The following ARHGAP21 variants were observed in gnomAD, a reference collection of about 807,000 sequenced individuals.
ARHGAP21 encodes the protein Rho GTPase activating protein 21, also known as rho GTPase-activating protein 21.
Under a neutral mutation model 164.6 loss-of-function variants are expected in ARHGAP21, and 38 were observed. The ratio of observed to expected loss-of-function variants is 0.23; its 90% CI spans 0.18 to 0.30. The LOEUF (loss-of-function observed/expected upper bound fraction) is 0.30. ARHGAP21 is among the 10% of genes least tolerant of loss of function. The pLI, the probability that ARHGAP21 is intolerant of heterozygous loss-of-function variation, is 1.00. For missense variants in ARHGAP21, 1,822 were observed against 2,370.7 expected (o/e 0.77, Z 4.81); for synonymous variants, 766 against 857.9 (o/e 0.89, Z 1.87).
chr10:24,629,015 A>C (rs1350495657), intron 7 of ARHGAP21: 1 of 15,118 alleles, frequency 6.6e-5, no homozygotes. Flanking sequence ...TTTTTTTTTG[A>C]GATGAAGTTT....
rs533298339 is a variant in ARHGAP21, at chr10:24,597,736, A to G, written c.3198-153T>C. Among the ~76,000 whole-genome samples the G allele has an allele frequency of 1.3e-4, 20 of 152,344 alleles. 1 individual carries two copies. The East Asian group carries it at 3.3e-3, about 25-fold the overall frequency. ...CTTTCAATTTTGTAGTCCTGCCCAGAATAAGAATCATCCTTTCATCCCGAG... is the reference window on the plus strand; with the variant it reads ...CTTTCAATTTTGTAGTCCTGCCCAGGATAAGAATCATCCTTTCATCCCGAG... On this transcript the variant is annotated intron_variant, in intron 15 of 25. Transcript: ENST00000396432.
At chr10:24,701,841 A>G (rs1843698567) in intron 2 of ARHGAP21, among the ~76,000 whole-genome samples, 1 of 152,162 alleles carries the variant, frequency 6.6e-6, no homozygotes, top group South Asian at 2.1e-4. Context: ...CAGGCTGTAT[A>G]CAAGTATCTA....
Position 24,600,839 on chromosome 10 carries a change from G to A in ARHGAP21, c.2939C>T (p.Thr980Met), listed in dbSNP as rs530533376. The change falls in exon 14 of 26, where the codon ACG becomes ATG. Residue 980 changes from threonine to methionine, a missense_variant. Physicochemically the swap from Thr to Met is moderately conservative, Grantham distance 81. This residue lies in a region of ARHGAP21 where 1,090 missense variants were observed against 1,378.9 expected (regional missense o/e 0.79). Coordinates refer to ENST00000396432, the MANE Select transcript of ARHGAP21 (RefSeq NM_020824.4). Reference protein sequence around the residue: ...LYLYKDKREQTTPSEEEQPIS... With the variant: ...LYLYKDKREQMTPSEEEQPIS... ...GGGCTGCTCTTCCTCAGACGGAGTC[G>A]TCTGCTCTCTTTTATCTTTGTACAG... The A allele has an allele frequency of 5.8e-5, 94 of 1,614,148 alleles. 1 individual carries two copies. In the South Asian group the frequency reaches 7.6e-4, roughly 13 times the overall value.
rs200596333 is a variant in ARHGAP21 at position 24,585,292 on chromosome 10, C to T, written c.4997G>A (p.Arg1666Gln). 2.8e-4 allele frequency: 457 copies of T among 1,609,406 alleles called. 1 individual carries two copies. Among genetic ancestry groups the T allele is most frequent in the Non-Finnish European group, 3.4e-4 (403 of 1,179,420 alleles). ...TAATTCACTTCCTTCAGAATTTCTC[C>T]GGCTGCTCTTAGTCACTTCTTGCAG... ...GKLQEVTKSS[R>Q]RNSEGSELSC... Residue 1666 changes from arginine (R) to glutamine (Q), a missense_variant, in exon 26 of 26, where the codon CGG becomes CAG. Around this residue, in one of 5 missense-constraint regions of ARHGAP21, gnomAD observed 117 missense variants for 193.2 expected, o/e 0.61. Coordinates refer to ENST00000396432, the MANE Select transcript of ARHGAP21 (RefSeq NM_020824.4).
intron 25 of ARHGAP21, among the ~76,000 whole-genome samples, chr10:24,587,132 G>A (rs964668637): frequency 6.6e-6 from 1 of 152,134 alleles, no homozygotes; most frequent in Non-Finnish European, 1.5e-5. Context: ...AAAGTTATTT[G>A]CTATGTATAA....
At chr10:24,622,468 AT>A (rs2131213024) in intron 8 of ARHGAP21, among the ~76,000 whole-genome samples, 1 of 81,024 alleles carries the variant, frequency 1.2e-5, no homozygotes, top group Admixed American at 1.4e-4. Context: ...ATATATATAT[AT>A]ATATATATAT....
chr10:24,718,941 C>T (rs920824056), intron 2 of ARHGAP21, among the ~76,000 whole-genome samples: 33 of 152,008 alleles, frequency 2.2e-4, no homozygotes, highest in African/African-American at 7.7e-4. Flanking sequence ...AAAGTTTTCT[C>T]TTCTTTGGCT....
intron 4 of ARHGAP21, among the ~76,000 whole-genome samples, chr10:24,636,463 C>G (rs1284357055): frequency 6.6e-6 from 1 of 152,096 alleles, no homozygotes; most frequent in Non-Finnish European, 1.5e-5. Flanking sequence ...CAGTCCTGAC[C>G]CTTAAAGAAG....
chr10:24,693,735 A>C, intron 2 of ARHGAP21, among the ~76,000 whole-genome samples: 1 of 151,930 alleles, frequency 6.6e-6, no homozygotes, highest in Non-Finnish European at 1.5e-5. Context: ...CTGCCACACA[A>C]ATCTCCTGGC....
chr10:24,694,392 T>C (rs988849038), intron 2 of ARHGAP21, among the ~76,000 whole-genome samples: 1 of 152,246 alleles, frequency 6.6e-6, no homozygotes, highest in African/African-American at 2.4e-5. Flanking sequence ...TCCTTAATGA[T>C]AGTGGCTCCC....
intron 3 of ARHGAP21, among the ~76,000 whole-genome samples, chr10:24,667,481 A>G (rs1840309189): frequency 6.6e-6 from 1 of 152,188 alleles, no homozygotes; most frequent in African/African-American, 2.4e-5. Flanking sequence ...TTGGTCCCAA[A>G]TTGCTACATA....
At chr10:24,592,130 TTAAAAAAA>T (rs937121346) in intron 21 of ARHGAP21, 118 bp from the exon 22 acceptor site, 2 of 930,710 alleles carry the variant, frequency 2.1e-6, no homozygotes, top group African/African-American at 1.7e-5. Context: ...TTGATGTAGA[TTAAAAAAA>T]TAATGCTTTC....
intron 2 of ARHGAP21, among the ~76,000 whole-genome samples, chr10:24,714,053 A>G (rs1210305888): frequency 2.0e-5 from 3 of 152,232 alleles, no homozygotes; most frequent in Non-Finnish European, 4.4e-5. Context: ...AAAATTAGAT[A>G]AAATAGTAGG....
Position 24,585,058 on chromosome 10 carries a change from C to T in ARHGAP21, c.5231G>A (p.Gly1744Glu). The T allele has an allele frequency of 1.9e-6, 3 of 1,613,790 alleles. No individual in the cohort carries two copies. Among genetic ancestry groups the T allele is most frequent in the Non-Finnish European group, 2.5e-6 (3 of 1,179,836 alleles). The change falls in exon 26 of 26, where the codon GGG becomes GAG. Residue 1744 changes from glycine to glutamate, a missense_variant. Gly to Glu is a moderately conservative substitution (Grantham distance 98). Transcript: ENST00000396432. The part of the protein sequence containing the change: ...FDVMKKGKST[G>E]SLLTPTRGES... The stretch of plus-strand genomic sequence containing the variant: ...GCCTCTGGTGGGTGTCAGTAAACTC[C>T]CAGTTGACTTTCCTTTTTTCATAAC...
chr10:24,607,571 T>G lies in ARHGAP21; in HGVS notation c.2612A>C (p.Gln871Pro). 2.5e-6 allele frequency: 4 copies of G among 1,614,180 alleles called. No individual in the cohort carries two copies. The highest frequency in any genetic ancestry group is 3.4e-6 in the Non-Finnish European group (4 of 1,180,028). The change falls in exon 11 of 26, where the codon CAG becomes CCG. Residue 871 changes from glutamine (Q) to proline (P), a missense_variant. Transcript: ENST00000396432. ...TGATCTTTCTGTCTTTGAGTTGGGC[T>G]GAGCATCCAGGCTAGGAGGGCCAAC... is the stretch of plus-strand genomic sequence containing the variant. The part of the protein sequence containing the change: ...ESVGPPSLDA[Q>P]PNSKTERSKS...
chr10:24,716,579 C>T (rs1845408235), intron 2 of ARHGAP21, among the ~76,000 whole-genome samples: 1 of 152,170 alleles, frequency 6.6e-6, no homozygotes, highest in African/African-American at 2.4e-5. Context: ...GGGGGAAGGA[C>T]CAATTATACA....
intron 4 of ARHGAP21, among the ~76,000 whole-genome samples, chr10:24,655,998 T>C (rs1457343921): frequency 0.016 from 2,166 of 132,470 alleles, 48 homozygotes; most frequent in African/African-American, 0.058. Context: ...GTCTGAGAAG[T>C]GAGGAGCCCC....
intron 2 of ARHGAP21, among the ~76,000 whole-genome samples, chr10:24,706,145 C>T (rs1844205572): frequency 6.6e-6 from 1 of 152,148 alleles, no homozygotes; most frequent in South Asian, 2.1e-4. Flanking sequence ...CAAAATCTTG[C>T]CTACTTTCTA....
At chr10:24,655,888 C>T (rs1289414983) in intron 4 of ARHGAP21, among the ~76,000 whole-genome samples, 18 of 111,462 alleles carry the variant, frequency 1.6e-4, no homozygotes, top group African/African-American at 4.5e-4. Context: ...ATGTGAGGAG[C>T]GCCTCTGCCC....
Sources: gnomAD v4.1 joint callset for allele counts (sites outside exome capture counted in the v4.1 genomes callset) on GRCh38, gnomAD v4.1.1 for gene constraint, gnomAD v4.1.1 regional missense constraint, MANE v1.5 for transcripts, NCBI Gene and HGNC (gene_info 2026-07-23, HGNC 2026-07-21) for gene names.